Variants in NR1D2 observed in about 807,000 individuals in gnomAD.
The protein encoded by NR1D2 is nuclear receptor subfamily 1 group D member 2, also known as V-erbA-related protein 1-related.
In NR1D2, 25 loss-of-function variants were observed where a neutral mutation model predicts 52.2. That is an observed-to-expected ratio of 0.48 (90% CI 0.35 to 0.67). NR1D2 has a LOEUF of 0.67. Among genes scored for constraint, NR1D2 ranks in the 30% least tolerant of loss-of-function variants. NR1D2 has a pLI of 0.01. For synonymous variants in NR1D2, 259 were observed against 230.1 expected (o/e 1.13, Z -1.14); for missense variants, 681 against 707.2 (o/e 0.96, Z 0.42).
rs1388384680 is a variant in NR1D2, at chr3:23,969,805, AATC to A, written c.1543+1786_1543+1788del. On this transcript the variant is annotated intron_variant, in intron 7 of 7. Coordinates refer to ENST00000312521, the MANE Select transcript of NR1D2 (RefSeq NM_005126.5). ...GCTGGAGTTGTAGAAAGGAAGGTGA[AATC>A]ATCTTGGAAGGCTCTGTGGGGAAAG... is the stretch of plus-strand genomic sequence containing the variant. Among the ~76,000 whole-genome samples the A allele has an allele frequency of 2.6e-5, 4 of 152,304 alleles. No individual in the cohort carries two copies. The East Asian group carries it at 5.8e-4, about 22-fold the overall frequency.
At chr3:23,956,219 A>G (rs1706077159) in intron 3 of NR1D2, 94 bp downstream of exon 3, 1 of 937,596 alleles carries the variant, frequency 1.1e-6, no homozygotes, top group Non-Finnish European at 1.7e-6. Context: ...AGTCTGAGAG[A>G]CAGTGAGAAG....
At chr3:23,961,112 ATTTTT>A (rs140335953) in intron 4 of NR1D2, among the ~76,000 whole-genome samples, 2 of 149,626 alleles carry the variant, frequency 1.3e-5, no homozygotes, top group East Asian at 1.9e-4. Flanking sequence ...TTTTTTAAGG[ATTTTT>A]TTTTTAAAGA....
At chr3:23,963,986 C>T (rs1209819709) in intron 5 of NR1D2, among the ~76,000 whole-genome samples, 6 of 150,656 alleles carry the variant, frequency 4.0e-5, no homozygotes, top group African/African-American at 1.5e-4. Flanking sequence ...ATTTAGAAGA[C>T]ACACCTGTAT....
chr3:23,965,226 GT>G, intron 6 of NR1D2, 64 bp downstream of exon 6: 1 of 446,898 alleles, frequency 2.2e-6, no homozygotes, highest in South Asian at 4.1e-5. Context: ...TTTCATGGAT[GT>G]TTTAATTCTT....
At position 23,977,892 on chromosome 3, in the gene NR1D2, TTACTC is replaced by T. The variant is rs367956899; in HGVS notation, c.*477_*481del. On this transcript the variant is annotated 3_prime_UTR_variant, in exon 8 of 8. Coordinates refer to ENST00000312521, the MANE Select transcript of NR1D2 (RefSeq NM_005126.5). ...ATTTAGGAGATCTCCATGTCTGTAT[TTACTC>T]TACCACTGCTAAAGTGTGTGGTCCT... 722 of 152,498 alleles carry T rather than the reference TTACTC, an allele frequency of 4.7e-3. 7 individuals carry two copies. The highest frequency in any genetic ancestry group is 0.016 in the African/African-American group (654 of 41,560). 9.4% of individuals were successfully genotyped at this position (152,498 alleles called of 1,614,324 possible).
rs184051666 is a variant in NR1D2, at chr3:23,946,421, G to C, written c.16+827G>C. 1,799 of 468,626 alleles carry C rather than the reference G, an allele frequency of 3.8e-3. 1 individual carries two copies. The highest frequency in any genetic ancestry group is 3.8e-3 in the Non-Finnish European group (1,372 of 357,338). 29.0% of individuals were successfully genotyped at this position (468,626 alleles called of 1,614,324 possible). A position where few individuals can be genotyped will look rare whatever the true frequency, so the allele number is the denominator to read the frequency against. ...GGGGCTTTCCCGAAGGGATACGCTC[G>C]AAGGAGCTCTGAGGTGCTTCGATCC... On this transcript the variant is annotated intron_variant, in intron 1 of 7. Coordinates refer to ENST00000312521, the MANE Select transcript of NR1D2 (RefSeq NM_005126.5).
intron 1 of NR1D2, among the ~76,000 whole-genome samples, chr3:23,951,651 A>G (rs1705936829): frequency 6.6e-6 from 1 of 152,248 alleles, no homozygotes. Context: ...TGGCGGTTGT[A>G]TCGATGAAAT....
In NR1D2 at chr3:23,946,090, G is replaced by T. The variant is rs116283045; in HGVS notation, c.16+496G>T. 4,359 of 984,686 alleles carry T rather than the reference G, an allele frequency of 4.4e-3. 147 individuals carry two copies. The African/African-American group carries it at 0.072, about 16-fold the overall frequency. The allele number at this position is 984,686 out of a possible 1,614,324, so 61.0% of individuals were successfully genotyped here. A position where few individuals can be genotyped will look rare whatever the true frequency, so the allele number is the denominator to read the frequency against. ...CCTCCCGGGAGGCTCCGCCCCTTTG[G>T]AAGCCTCGGGGCAGTGACGTCGCCG... On this transcript the variant is annotated intron_variant, in intron 1 of 7. Coordinates refer to ENST00000312521, the MANE Select transcript of NR1D2 (RefSeq NM_005126.5).
chr3:23,968,915 G>A (rs1427345496), intron 7 of NR1D2, among the ~76,000 whole-genome samples: 2 of 152,200 alleles, frequency 1.3e-5, no homozygotes, highest in African/African-American at 4.8e-5. Context: ...AGGGCACTGT[G>A]CTAGGCATTG....
At position 23,967,910 on chromosome 3, in the gene NR1D2, T is replaced by C; in HGVS notation, c.1430T>C (p.Met477Thr). 6.2e-7 allele frequency: 1 copy of C among 1,613,608 alleles called. No individual in the cohort carries two copies. The highest frequency in any genetic ancestry group is 8.5e-7 in the Non-Finnish European group (1 of 1,179,498). Residue 477 changes from methionine (M) to threonine (T), a missense_variant, in exon 7 of 8, where the codon ATG becomes ACG. Coordinates refer to ENST00000312521, the MANE Select transcript of NR1D2 (RefSeq NM_005126.5). ...TATAGTGTGGATGATTTACACTCAA[T>C]GGGAGCAGGGGATCTGCTAAACTCT... ...KKYSVDDLHS[M>T]GAGDLLNSMF...
chr3:23,947,088 C>T (rs752460834), intron 1 of NR1D2, among the ~76,000 whole-genome samples: 1 of 152,116 alleles, frequency 6.6e-6, no homozygotes, highest in African/African-American at 2.4e-5. Flanking sequence ...ATTACCTAAT[C>T]GGCCTACTTA....
At chr3:23,950,664 GTCT>G (rs904125719) in intron 1 of NR1D2, among the ~76,000 whole-genome samples, 1 of 152,156 alleles carries the variant, frequency 6.6e-6, no homozygotes, top group African/African-American at 2.4e-5. Context: ...TTCTAGATGG[GTCT>G]TCTTTGATTT....
intron 1 of NR1D2, among the ~76,000 whole-genome samples, chr3:23,953,190 A>G (rs1048338270): frequency 4.0e-5 from 6 of 151,694 alleles, no homozygotes; most frequent in African/African-American, 1.5e-4. Flanking sequence ...AAAAAATACA[A>G]AAATTGGCTG....
chr3:23,951,738 A>G (rs1705939542), intron 1 of NR1D2, among the ~76,000 whole-genome samples: 1 of 152,212 alleles, frequency 6.6e-6, no homozygotes, highest in African/African-American at 2.4e-5. Context: ...CAATGTGCAA[A>G]TAATTGCTTG....
intron 1 of NR1D2, chr3:23,946,086 T>C: frequency 9.2e-6 from 9 of 983,142 alleles, no homozygotes; most frequent in Non-Finnish European, 1.1e-5. Context: ...GCTCCGCCCC[T>C]TTGGAAGCCT....
At chr3:23,975,933 A>G (rs1163758766) in intron 7 of NR1D2, among the ~76,000 whole-genome samples, 1 of 152,224 alleles carries the variant, frequency 6.6e-6, no homozygotes, top group Admixed American at 6.5e-5. Flanking sequence ...TTGTAAAAAA[A>G]CGAAAGGGCA....
At chr3:23,955,924 A>T in intron 2 of NR1D2, 113 bp from the exon 3 acceptor site, 1 of 656,046 alleles carries the variant, frequency 1.5e-6, no homozygotes, top group South Asian at 2.1e-5. Context: ...ATGAAAGTAG[A>T]TGTGTATCTT....
At chr3:23,965,842 C>G (rs1350883248) in intron 6 of NR1D2, among the ~76,000 whole-genome samples, 1 of 152,166 alleles carries the variant, frequency 6.6e-6, no homozygotes, top group Non-Finnish European at 1.5e-5. Flanking sequence ...GTATTCGATA[C>G]AGAATAAGAA....
chr3:23,960,477 C>T (rs1706205924), intron 4 of NR1D2, among the ~76,000 whole-genome samples: 1 of 151,948 alleles, frequency 6.6e-6, no homozygotes, highest in Non-Finnish European at 1.5e-5. Flanking sequence ...ATTACAGGTG[C>T]CCGCCACCAC....
Sources: gnomAD v4.1 joint callset for allele counts (sites outside exome capture counted in the v4.1 genomes callset) on GRCh38, gnomAD v4.1.1 for gene constraint, MANE v1.5 for transcripts, NCBI Gene and HGNC (gene_info 2026-07-23, HGNC 2026-07-21) for gene names.